The following NAALADL2 variants were observed in gnomAD, a reference collection of about 807,000 sequenced individuals.
NAALADL2 encodes the protein inactive N-acetylated-alpha-linked acidic dipeptidase-like protein 2.
Under a neutral mutation model 87.2 loss-of-function variants are expected in NAALADL2, and 76 were observed. The observed-to-expected ratio is 0.87, with a 90% CI of 0.72 to 1.05. NAALADL2 has a LOEUF of 1.05. NAALADL2 is among the 50% of genes least tolerant of loss of function. The pLI is 0.00. For missense variants in NAALADL2, 1,089 were observed against 945.8 expected (o/e 1.15, Z -1.99); for synonymous variants, 354 against 331.0 (o/e 1.07, Z -0.75).
chr3:175,712,836 A>G (rs1280096103), intron 11 of NAALADL2, among the ~76,000 whole-genome samples: 1 of 152,056 alleles, frequency 6.6e-6, no homozygotes, highest in African/African-American at 2.4e-5. Context: ...AGGCTAAGAC[A>G]TGGACTCTAA....
intron 9 of NAALADL2, among the ~76,000 whole-genome samples, chr3:175,572,873 T>C (rs1718293420): frequency 6.7e-6 from 1 of 149,892 alleles, no homozygotes; most frequent in African/African-American, 2.4e-5. Flanking sequence ...CTGGGCAACA[T>C]TTAGCAACAT....
chr3:175,131,044 A>G (rs906786145), intron 2 of NAALADL2, among the ~76,000 whole-genome samples: 3 of 151,924 alleles, frequency 2.0e-5, no homozygotes, highest in East Asian at 3.9e-4. Context: ...TGTACATGCT[A>G]TATCTTTCCA....
At chr3:174,757,388 C>G (rs911307921) in intron 3 of NAALADL2, among the ~76,000 whole-genome samples, 1 of 152,112 alleles carries the variant, frequency 6.6e-6, no homozygotes. Flanking sequence ...TGGTTAGATG[C>G]TCAGCCAGAG....
At chr3:175,531,162 A>G (rs527786022) in intron 9 of NAALADL2, among the ~76,000 whole-genome samples, 46 of 152,178 alleles carry the variant, frequency 3.0e-4, no homozygotes, top group African/African-American at 1.1e-3. Context: ...CCTGTTCTGG[A>G]CCACACTCAA....
chr3:175,304,163 A>G (rs1757421563), intron 4 of NAALADL2, among the ~76,000 whole-genome samples: 1 of 152,218 alleles, frequency 6.6e-6, no homozygotes, highest in Admixed American at 6.5e-5. Context: ...ACAAGAGAAA[A>G]GAGAAAGGGA....
intron 1 of NAALADL2, among the ~76,000 whole-genome samples, chr3:174,923,456 G>A (rs1348357736): frequency 6.6e-6 from 1 of 151,832 alleles, no homozygotes; most frequent in South Asian, 2.1e-4. Flanking sequence ...AAAAGTAGAA[G>A]AAAAGAGAGA....
At chr3:175,579,063 A>G (rs2149567431) in intron 10 of NAALADL2, among the ~76,000 whole-genome samples, 1 of 152,362 alleles carries the variant, frequency 6.6e-6, no homozygotes, top group East Asian at 1.9e-4. Context: ...AGTTAAAGTG[A>G]ATAATTTTAT....
chr3:175,060,366 G>T (rs1462646483), intron 1 of NAALADL2, among the ~76,000 whole-genome samples: 1 of 152,198 alleles, frequency 6.6e-6, no homozygotes, highest in Non-Finnish European at 1.5e-5. Flanking sequence ...CAAAATTGCG[G>T]TGATATGATT....
intron 12 of NAALADL2, among the ~76,000 whole-genome samples, chr3:175,748,412 G>A (rs988719683): frequency 6.6e-6 from 1 of 152,076 alleles, no homozygotes; most frequent in Non-Finnish European, 1.5e-5. Context: ...GATGACATTA[G>A]GTAATATACA....
intron 3 of NAALADL2, among the ~76,000 whole-genome samples, chr3:174,850,849 C>A (rs1011110928): frequency 4.0e-5 from 6 of 151,894 alleles, no homozygotes; most frequent in Non-Finnish European, 7.4e-5. Flanking sequence ...CAATGATAGA[C>A]CATATATAAG....
At chr3:175,403,866 T>TGGCATCACTCA (rs1341398821) in intron 5 of NAALADL2, among the ~76,000 whole-genome samples, 1 of 152,070 alleles carries the variant, frequency 6.6e-6, no homozygotes, top group Middle Eastern at 3.2e-3. Flanking sequence ...ATCCTATGAG[T>TGGCATCACTCA]TCATTAATAT....
At chr3:174,923,465 GAA>G (rs1211310383) in intron 1 of NAALADL2, among the ~76,000 whole-genome samples, 1 of 152,028 alleles carries the variant, frequency 6.6e-6, no homozygotes, top group African/African-American at 2.4e-5. Flanking sequence ...AGAAAAGAGA[GAA>G]ATAGAAAAAT....
chr3:175,222,000 T>G (rs920289241), intron 2 of NAALADL2, among the ~76,000 whole-genome samples: 1 of 152,024 alleles, frequency 6.6e-6, no homozygotes, highest in Non-Finnish European at 1.5e-5. Context: ...CAGGCTGGTC[T>G]CGAACTCCCG....
At chr3:175,249,656 T>C (rs2109749696) in intron 3 of NAALADL2, among the ~76,000 whole-genome samples, 1 of 152,308 alleles carries the variant, frequency 6.6e-6, no homozygotes, top group South Asian at 2.1e-4. Flanking sequence ...AGTAGTTTTG[T>C]TCCTCCCAGT....
intron 10 of NAALADL2, among the ~76,000 whole-genome samples, 187 bp downstream of exon 10, chr3:175,576,374 T>G (rs978133472): frequency 3.3e-5 from 5 of 152,270 alleles, no homozygotes; most frequent in Non-Finnish European, 7.3e-5. Flanking sequence ...CTCTTTTCAA[T>G]AGTATTGAAT....
At chr3:174,904,485 C>A (rs183745229) in intron 1 of NAALADL2, among the ~76,000 whole-genome samples, 79 of 151,950 alleles carry the variant, frequency 5.2e-4, no homozygotes, top group Non-Finnish European at 1.1e-3. Flanking sequence ...CCTGTGTAAT[C>A]AAAAGTTCCT....
At chr3:174,559,395 G>T (rs1713288423) in intron 2 of NAALADL2, among the ~76,000 whole-genome samples, 1 of 152,140 alleles carries the variant, frequency 6.6e-6, no homozygotes, top group South Asian at 2.1e-4. Context: ...TTGCTTAAGG[G>T]CAGGATTTAT....
At position 175,803,213 on chromosome 3, in the gene NAALADL2, GAGC is replaced by G; in HGVS notation, c.*12_*14del. ...GGATGGGAAGAATTGAGAAAACTCT[GAGC>G]ATTTTTAAAAGTTTGTTTACAATTC... On this transcript the variant is annotated 3_prime_UTR_variant, in exon 14 of 14. Transcript: ENST00000454872. 4 of 1,572,632 alleles carry G rather than the reference GAGC, an allele frequency of 2.5e-6. No individual in the cohort carries two copies. The highest frequency in any genetic ancestry group is 3.5e-6 in the Non-Finnish European group (4 of 1,158,128).
chr3:175,166,039 ATTTT>A lies in NAALADL2; in HGVS notation c.546-67880_546-67877del, dbSNP rs10576101. 2.7e-3 allele frequency among the ~76,000 whole-genome samples: 387 copies of A among 145,364 alleles called. 3 individuals are homozygous for A. The highest frequency in any genetic ancestry group is 9.3e-3 in the African/African-American group (367 of 39,662). On this transcript the variant is annotated intron_variant, in intron 2 of 13. Transcript: ENST00000454872. ...ATCTCTTGCATATAAGGGACTCCAT[ATTTT>A]TTTTTTTTTTTACTCTTCTAAAATT...
Sources: allele counts gnomAD v4.1 joint callset (sites outside exome capture counted in the v4.1 genomes callset), GRCh38; gene constraint gnomAD v4.1.1; transcripts MANE v1.5; gene names NCBI Gene and HGNC (gene_info 2026-07-23, HGNC 2026-07-21).